ATRN: variants seen among roughly 807,000 people sequenced by gnomAD.
ATRN encodes the protein attractin.
In ATRN, 54 loss-of-function variants were observed where a neutral mutation model predicts 178.7. The observed-to-expected ratio is 0.30, with a 90% CI of 0.24 to 0.38. The LOEUF is 0.38. ATRN is among the 10% of genes least tolerant of loss of function. The pLI is 1.00. For missense variants in ATRN, 1,443 were observed against 1,815.1 expected (o/e 0.79, Z 3.73); for synonymous variants, 636 against 663.0 (o/e 0.96, Z 0.63).
intron 1 of ATRN, among the ~76,000 whole-genome samples, chr20:3,528,384 T>C (rs117201099): frequency 0.04 from 6,052 of 150,312 alleles, 158 homozygotes; most frequent in Non-Finnish European, 0.058. Context: ...AAAAATGTGG[T>C]ACATATACTC....
At chr20:3,599,390 A>G (rs1961949708) in intron 22 of ATRN, among the ~76,000 whole-genome samples, 1 of 152,252 alleles carries the variant, frequency 6.6e-6, no homozygotes. Flanking sequence ...GTGGGAAGCA[A>G]CCATGAAAGT....
chr20:3,507,349 C>T (rs1217545367), intron 1 of ATRN, among the ~76,000 whole-genome samples: 1 of 149,328 alleles, frequency 6.7e-6, no homozygotes, highest in South Asian at 2.1e-4. Flanking sequence ...GCGGAGGATG[C>T]GGTGAACCGA....
chr20:3,643,722 A>G (rs907085599), intron 27 of ATRN, among the ~76,000 whole-genome samples: 1 of 152,218 alleles, frequency 6.6e-6, no homozygotes, highest in African/African-American at 2.4e-5. Context: ...ACAAAATAGA[A>G]TGTTTTTTAA....
Position 3,565,404 on chromosome 20 carries a change from T to C in ATRN, c.1843T>C (p.Phe615Leu). ...TGATCTCCACCATGATGTCAACAGA[T>C]TTGGCCATTCAGCAGTCTTACACAA... ...RPDLHHDVNR[F>L]GHSAVLHNST... The change falls in exon 11 of 29, where the codon TTT becomes CTT. Residue 615 changes from phenylalanine to leucine, a missense_variant. Phe to Leu is a conservative substitution (Grantham distance 22). This residue lies in a region of ATRN where 862 missense variants were observed against 972.1 expected (regional missense o/e 0.89). Transcript: ENST00000262919. 3.7e-6 allele frequency: 6 copies of C among 1,614,084 alleles called. No individual in the cohort carries two copies. Among genetic ancestry groups the C allele is most frequent in the Non-Finnish European group, 5.1e-6 (6 of 1,179,956 alleles).
intron 1 of ATRN, among the ~76,000 whole-genome samples, chr20:3,475,031 C>CAAAAAAAA (rs1189030441): frequency 1.8e-5 from 1 of 55,804 alleles, no homozygotes; most frequent in Non-Finnish European, 3.8e-5. Context: ...GACTCCATCT[C>CAAAAAAAA]AAAAAAAAAA....
intron 6 of ATRN, among the ~76,000 whole-genome samples, chr20:3,553,867 G>C (rs933598949): frequency 7.9e-5 from 12 of 152,066 alleles, no homozygotes; most frequent in African/African-American, 2.7e-4. Flanking sequence ...CTTTTTTATA[G>C]TCCTCATTTT....
At chr20:3,615,318 A>G (rs1369062712) in intron 24 of ATRN, among the ~76,000 whole-genome samples, 2 of 151,500 alleles carry the variant, frequency 1.3e-5, no homozygotes, top group African/African-American at 4.8e-5. Flanking sequence ...AGTCCCAGCT[A>G]CTTGCAAGGC....
At chr20:3,563,460 A>T (rs2085982596) in intron 10 of ATRN, 97 bp downstream of exon 10, 2 of 1,292,622 alleles carry the variant, frequency 1.5e-6, no homozygotes, top group Non-Finnish European at 2.1e-6. Flanking sequence ...GTTCAAAATG[A>T]TCAGGCCATT....
chr20:3,520,080 A>G (rs1174514676), intron 1 of ATRN, among the ~76,000 whole-genome samples: 33 of 152,224 alleles, frequency 2.2e-4, no homozygotes. Context: ...GTTTAAAATT[A>G]TATCGTAATG....
At chr20:3,531,498 T>C (rs2085452661) in intron 1 of ATRN, among the ~76,000 whole-genome samples, 1 of 152,108 alleles carries the variant, frequency 6.6e-6, no homozygotes, top group Non-Finnish European at 1.5e-5. Context: ...AAATGAACAT[T>C]AGTAGGGAAA....
intron 1 of ATRN, among the ~76,000 whole-genome samples, chr20:3,482,001 A>G (rs957217184): frequency 2.0e-5 from 3 of 151,708 alleles, no homozygotes; most frequent in Non-Finnish European, 4.4e-5. Context: ...GTGTTTTCTA[A>G]ATTTTTAAAT....
chr20:3,597,146 A>G (rs2086542907), intron 21 of ATRN, among the ~76,000 whole-genome samples: 1 of 150,440 alleles, frequency 6.6e-6, no homozygotes, highest in Non-Finnish European at 1.5e-5. Flanking sequence ...TAGGATTCTA[A>G]AAGCATAATT....
rs1331876349 is a variant in ATRN at position 3,541,076 on chromosome 20, A to ATTTTTTTTT, written c.608+752_608+760dup. Among the ~76,000 whole-genome samples the ATTTTTTTTT allele has an allele frequency of 1.6e-4, 19 of 119,046 alleles. 1 individual carries two copies. The highest frequency in any genetic ancestry group is 5.1e-4 in the East Asian group (2 of 3,942). The allele number at this position is 119,046 out of a possible 152,430, so 78.1% of individuals were successfully genotyped here. On this transcript the variant is annotated intron_variant, in intron 3 of 28. Transcript: ENST00000262919. The stretch of plus-strand genomic sequence containing the variant: ...TTTTCTTCCTTTTACATGATAGAGG[A>ATTTTTTTTT]TTTTTTTTTTTTTTTTTTTGAGACG...
At chr20:3,630,612 G>T (rs762377990) in intron 25 of ATRN, among the ~76,000 whole-genome samples, 1 of 152,144 alleles carries the variant, frequency 6.6e-6, no homozygotes. Flanking sequence ...GCCTGGTGAG[G>T]ACCGGCCACT....
At chr20:3,519,778 A>G (rs2085263948) in intron 1 of ATRN, among the ~76,000 whole-genome samples, 1 of 152,218 alleles carries the variant, frequency 6.6e-6, no homozygotes, top group African/African-American at 2.4e-5. Flanking sequence ...TGGATGTGGC[A>G]GTAAGCCACA....
At chr20:3,631,241 C>T (rs1167519066) in intron 25 of ATRN, among the ~76,000 whole-genome samples, 3 of 152,052 alleles carry the variant, frequency 2.0e-5, no homozygotes, top group Non-Finnish European at 4.4e-5. Flanking sequence ...TGAGCCACTG[C>T]TCCCAGCCTG....
intron 19 of ATRN, among the ~76,000 whole-genome samples, chr20:3,593,268 C>T (rs2086478455): frequency 6.6e-6 from 1 of 152,138 alleles, no homozygotes; most frequent in African/African-American, 2.4e-5. Flanking sequence ...AGTCCTAATC[C>T]ACGGTAGAAA....
intron 16 of ATRN, among the ~76,000 whole-genome samples, 165 bp downstream of exon 16, chr20:3,582,519 A>G (rs1240021278): frequency 6.6e-6 from 1 of 152,224 alleles, no homozygotes; most frequent in African/African-American, 2.4e-5. Context: ...GCAGAAGGAA[A>G]TATTCTGGGA....
At chr20:3,607,474 T>A (rs192724737) in intron 24 of ATRN, among the ~76,000 whole-genome samples, 229 of 152,330 alleles carry the variant, frequency 1.5e-3, no homozygotes, top group African/African-American at 5.1e-3. Context: ...AGAAAACATA[T>A]CTATCTTTCT....
Sources: allele counts gnomAD v4.1 joint callset (sites outside exome capture counted in the v4.1 genomes callset), GRCh38; gene constraint gnomAD v4.1.1; regional missense constraint gnomAD v4.1.1; transcripts MANE v1.5; gene names NCBI Gene and HGNC (gene_info 2026-07-23, HGNC 2026-07-21).